The following RC3H2 variants were observed in gnomAD, a reference collection of about 807,000 sequenced individuals.
RC3H2 encodes the protein ring finger and CCCH-type domains 2, also known as roquin-2.
A neutral mutation model predicts 133.3 loss-of-function variants in RC3H2; 31 were observed. That is an observed-to-expected ratio of 0.23 (90% CI 0.17 to 0.31). The LOEUF is 0.31. Ranked by LOEUF, RC3H2 falls within the 10% of genes least tolerant of loss-of-function variation. The probability of loss-of-function intolerance (pLI) is 1.00; values close to 1 mark genes in which losing one functional copy is unlikely to be tolerated. For synonymous variants in RC3H2, 517 were observed against 502.2 expected, an observed-to-expected ratio of 1.03 and a Z score of -0.40; for missense variants, 1,175 against 1,437.2, an observed-to-expected ratio of 0.82 and a Z score of 2.95.
chr9:122,879,288 G>A (rs1346840741), intron 8 of RC3H2, among the ~76,000 whole-genome samples: 4 of 151,784 alleles, frequency 2.6e-5, no homozygotes, highest in Non-Finnish European at 5.9e-5. Flanking sequence ...CAGTTACTTG[G>A]GAGGCTGAGG....
At chr9:122,855,710 T>G in intron 14 of RC3H2, 22 bp downstream of exon 14, 1 of 1,602,794 alleles carries the variant, frequency 6.2e-7, no homozygotes, top group Non-Finnish European at 8.5e-7. Context: ...CTCCAACCCC[T>G]GCAACCCCAG....
At chr9:122,904,536 C>G (rs114915708) in intron 1 of RC3H2, among the ~76,000 whole-genome samples, 316 of 152,320 alleles carry the variant, frequency 2.1e-3, no homozygotes, top group African/African-American at 7.4e-3. Flanking sequence ...AGAAGAAAGC[C>G]ATAGCAGAAT....
intron 2 of RC3H2, among the ~76,000 whole-genome samples, chr9:122,896,189 G>A (rs1832413416): frequency 6.6e-6 from 1 of 151,638 alleles, no homozygotes; most frequent in African/African-American, 2.4e-5. Flanking sequence ...GGCTGCATGT[G>A]GCCTGAAAGC....
chr9:122,874,177 G>A, intron 9 of RC3H2: 1 of 151,976 alleles, frequency 6.6e-6, no homozygotes, highest in Admixed American at 6.6e-5. Context: ...GAAAAGAAGA[G>A]TAAAAGAAAT....
Position 122,880,649 on chromosome 9 carries a change from G to C in RC3H2, c.905C>G (p.Ser302Cys). ...GLRISPEQWS[S>C]LLYGDLAHKS... ...ATGAGCCAAATCACCATACAAAAGA[G>C]AGGACCACTGTTCAGGTGAAATACG... The change falls in exon 6 of 21, where the codon TCT becomes TGT. Residue 302 changes from serine to cysteine, a missense_variant. By Grantham distance (112) the Ser-to-Cys change is moderately radical. Coordinates refer to ENST00000357244, the MANE Select transcript of RC3H2 (RefSeq NM_001100588.3). 1.2e-6 allele frequency: 2 copies of C among 1,614,114 alleles called. No homozygotes were observed. The highest frequency in any genetic ancestry group is 1.7e-6 in the Non-Finnish European group (2 of 1,180,008).
Position 122,846,641 on chromosome 9 carries a change from A to C in RC3H2, c.*2986T>G, listed in dbSNP as rs1205013272. 2.6e-5 allele frequency: 4 copies of C among 152,206 alleles called. No homozygotes were observed. Among genetic ancestry groups the C allele is most frequent in the African/African-American group, 7.2e-5 (3 of 41,466 alleles). The allele number at this position is 152,206 out of a possible 1,614,324, so 9.4% of individuals were successfully genotyped here. A position where few individuals can be genotyped will look rare whatever the true frequency, so the allele number is the denominator to read the frequency against. On this transcript the variant is annotated 3_prime_UTR_variant, in exon 21 of 21. Transcript: ENST00000357244. ...ACCACTTTCCTGCTTTCCAGACCTC[A>C]GACTATTTTTTCTGATTAGACAATA...
At chr9:122,878,266 ATTTT>A (rs1831427499) in intron 8 of RC3H2, among the ~76,000 whole-genome samples, 1 of 151,548 alleles carries the variant, frequency 6.6e-6, no homozygotes, top group Non-Finnish European at 1.5e-5. Flanking sequence ...AACCTTTTTT[ATTTT>A]TTATTTTTAT....
intron 9 of RC3H2, among the ~76,000 whole-genome samples, chr9:122,869,224 C>T (rs1019720050): frequency 5.9e-5 from 9 of 151,796 alleles, no homozygotes; most frequent in Admixed American, 1.3e-4. Context: ...ATTTTTAAAG[C>T]GGTGAAAAAT....
rs926481401 is a variant in RC3H2 at position 122,905,031 on chromosome 9, G to A, written c.-68+79C>T. 2.6e-5 allele frequency: 25 copies of A among 944,088 alleles called. No individual in the cohort carries two copies. In the African/African-American group the frequency reaches 3.9e-4, roughly 15 times the overall value. The allele number at this position is 944,088 out of a possible 1,614,324, so 58.5% of individuals were successfully genotyped here. A position where few individuals can be genotyped will look rare whatever the true frequency, so the allele number is the denominator to read the frequency against. The stretch of plus-strand genomic sequence containing the variant: ...GACAGCGCACAGGCCCCAGGGCTGA[G>A]ACTGGTCTCCCGCCCGACCGCCGGG... On this transcript the variant is annotated intron_variant, in intron 1 of 20. Coordinates refer to ENST00000357244, the MANE Select transcript of RC3H2 (RefSeq NM_001100588.3).
chr9:122,870,679 T>C (rs1831047605), intron 9 of RC3H2, among the ~76,000 whole-genome samples: 1 of 152,086 alleles, frequency 6.6e-6, no homozygotes, highest in Non-Finnish European at 1.5e-5. Context: ...GCCTCCAGAG[T>C]AGCTGGGACT....
chr9:122,895,764 T>C (rs1407341726), intron 2 of RC3H2, among the ~76,000 whole-genome samples: 2 of 152,222 alleles, frequency 1.3e-5, no homozygotes, highest in Non-Finnish European at 2.9e-5. Context: ...CTGGCTTTAA[T>C]ATGTAGCACA....
chr9:122,905,003 G>A lies in RC3H2; in HGVS notation c.-68+107C>T, dbSNP rs553583699. On this transcript the variant is annotated intron_variant, in intron 1 of 20. Transcript: ENST00000357244. ...AGTTCCCAACCCTCGAGGCACCAGGGGCGACAGCGCACAGGCCCCAGGGCT... is the reference window on the plus strand; with the variant it reads ...AGTTCCCAACCCTCGAGGCACCAGGAGCGACAGCGCACAGGCCCCAGGGCT... 8.8e-5 allele frequency: 71 copies of A among 802,898 alleles called. No homozygotes were observed. In the Middle Eastern group the frequency reaches 1.8e-3, roughly 21 times the overall value. The allele number at this position is 802,898 out of a possible 1,614,324, so 49.7% of individuals were successfully genotyped here.
At chr9:122,869,298 A>G (rs569181349) in intron 9 of RC3H2, among the ~76,000 whole-genome samples, 2 of 152,308 alleles carry the variant, frequency 1.3e-5, no homozygotes, top group South Asian at 4.1e-4. Context: ...GCCTAAAGTA[A>G]TGTTATTAAT....
At chr9:122,868,337 G>T (rs1272920973) in intron 9 of RC3H2, among the ~76,000 whole-genome samples, 1 of 152,210 alleles carries the variant, frequency 6.6e-6, no homozygotes, top group African/African-American at 2.4e-5. Flanking sequence ...AAATCGGATG[G>T]TTGCCGTGTC....
chr9:122,904,678 G>A (rs1384646693), intron 1 of RC3H2, among the ~76,000 whole-genome samples: 1 of 152,152 alleles, frequency 6.6e-6, no homozygotes, highest in Admixed American at 6.5e-5. Flanking sequence ...TTACCACTCA[G>A]ATCGCCTCCA....
chr9:122,851,515 C>T (rs1320164632), intron 18 of RC3H2, 79 bp from the exon 19 acceptor site: 15 of 1,532,910 alleles, frequency 9.8e-6, no homozygotes, highest in Non-Finnish European at 1.3e-5. Context: ...TCTCCCTCTC[C>T]CTCTCTTTCC....
chr9:122,885,613 C>CT (rs1052379267), intron 4 of RC3H2, among the ~76,000 whole-genome samples: 11 of 151,974 alleles, frequency 7.2e-5, no homozygotes, highest in East Asian at 3.9e-4. Flanking sequence ...TAAATTTTTT[C>CT]TTTTTTTGCC....
intron 10 of RC3H2, among the ~76,000 whole-genome samples, chr9:122,863,465 T>C (rs962003387): frequency 4.6e-5 from 7 of 152,370 alleles, no homozygotes; most frequent in African/African-American, 7.2e-5. Context: ...TAATTACAGA[T>C]AGATTTAATC....
intron 9 of RC3H2, among the ~76,000 whole-genome samples, chr9:122,867,193 G>A (rs1452365942): frequency 7.6e-6 from 1 of 131,100 alleles, no homozygotes; most frequent in East Asian, 2.1e-4. Flanking sequence ...GAAGTGAGGA[G>A]CGTCTCCGCC....
Sources: allele counts gnomAD v4.1 joint callset (sites outside exome capture counted in the v4.1 genomes callset), GRCh38; gene constraint gnomAD v4.1.1; transcripts MANE v1.5; gene names NCBI Gene and HGNC (gene_info 2026-07-23, HGNC 2026-07-21).